The following TRIO variants were observed in gnomAD, a reference collection of about 807,000 sequenced individuals.
TRIO encodes triple functional domain protein.
Under a neutral mutation model 351.9 loss-of-function variants are expected in TRIO, and 58 were observed. The ratio of observed to expected loss-of-function variants is 0.16; its 90% CI spans 0.13 to 0.21. The LOEUF (loss-of-function observed/expected upper bound fraction) is 0.21. Ranked by LOEUF, TRIO falls within the 10% of genes least tolerant of loss-of-function variation. The pLI, the probability that TRIO is intolerant of heterozygous loss-of-function variation, is 1.00. For missense variants in TRIO, 3,201 were observed against 4,027.8 expected (o/e 0.79, Z 5.56); for synonymous variants, 1,758 against 1,595.7 (o/e 1.10, Z -2.42).
chr5:14,329,735 C>T (rs1232913007), intron 9 of TRIO, among the ~76,000 whole-genome samples: 3 of 152,154 alleles, frequency 2.0e-5, no homozygotes, highest in African/African-American at 7.2e-5. Context: ...TAGCTAAAGA[C>T]ATCACTGACT....
intron 48 of TRIO, 166 bp downstream of exon 48, chr5:14,488,426 C>T: frequency 2.0e-6 from 2 of 989,940 alleles, no homozygotes; most frequent in Non-Finnish European, 2.9e-6. Flanking sequence ...CGGCCCACGG[C>T]GCTACTAACT....
chr5:14,492,512 A>G (rs1281002236), intron 48 of TRIO, 55 bp from the exon 49 acceptor site: 38 of 1,590,532 alleles, frequency 2.4e-5, no homozygotes, highest in Non-Finnish European at 3.2e-5. Context: ...TCATGTGATC[A>G]GGTCTCGTTT....
At chr5:14,490,658 C>T (rs7720061) in intron 48 of TRIO, among the ~76,000 whole-genome samples, 1,772 of 152,330 alleles carry the variant, frequency 0.012, 32 homozygotes, top group African/African-American at 0.035. Flanking sequence ...CTGATAACCA[C>T]GCCCACTGGT....
In TRIO at chr5:14,507,102, A is replaced by T. The variant is rs750761577; in HGVS notation, c.8613-20A>T. ...CAAAGCAAATCGCATCATAACAGTC[A>T]CCCGCTCCTGCCTCTTTAGGGCTGA... On this transcript the variant is annotated intron_variant, in intron 55 of 56. Transcript: ENST00000344204. 6.4e-7 allele frequency: 1 copy of T among 1,561,426 alleles called. No homozygotes were observed. Among genetic ancestry groups the T allele is most frequent in the Admixed American group, 2.1e-5 (1 of 48,310 alleles).
intron 4 of TRIO, among the ~76,000 whole-genome samples, chr5:14,289,723 A>G (rs1010808890): frequency 1.3e-5 from 2 of 151,920 alleles, no homozygotes; most frequent in South Asian, 2.1e-4. Context: ...GGTGGTGGGC[A>G]CCTGTAGTCC....
intron 55 of TRIO, among the ~76,000 whole-genome samples, 173 bp from the exon 56 acceptor site, chr5:14,506,949 C>A (rs1176307777): frequency 6.6e-6 from 1 of 152,234 alleles, no homozygotes; most frequent in African/African-American, 2.4e-5. Flanking sequence ...ATCTTCCCAA[C>A]AGAGCTTTAC....
chr5:14,433,682 AG>A (rs1449449169), intron 34 of TRIO, among the ~76,000 whole-genome samples: 1 of 152,244 alleles, frequency 6.6e-6, no homozygotes, highest in Admixed American at 6.5e-5. Flanking sequence ...ACTTCAAGGT[AG>A]AATACTGAAA....
At chr5:14,301,583 G>A (rs750830548) in intron 7 of TRIO, among the ~76,000 whole-genome samples, 1 of 152,126 alleles carries the variant, frequency 6.6e-6, no homozygotes, top group Non-Finnish European at 1.5e-5. Flanking sequence ...ACACATATGT[G>A]TGTGTATGTG....
intron 8 of TRIO, among the ~76,000 whole-genome samples, chr5:14,315,511 A>G (rs1739308312): frequency 6.6e-6 from 1 of 152,142 alleles, no homozygotes; most frequent in African/African-American, 2.4e-5. Flanking sequence ...TCGGCCTCCC[A>G]AAGTGCTGGG....
Position 14,270,856 on chromosome 5 carries a change from G to A in TRIO, c.189G>A (p.Met63Ile). Reference sequence around the variant, plus strand: ...GAAAAAACGATGAAATGAAAGCTATGGATGTTTTACCAATTTTGAAGGAAA... The same window carrying A: ...GAAAAAACGATGAAATGAAAGCTATAGATGTTTTACCAATTTTGAAGGAAA... ...GFRKNDEMKAMDVLPILKEKV... is the reference protein window; with the variant it reads ...GFRKNDEMKAIDVLPILKEKV... Residue 63 changes from methionine (M) to isoleucine (I), a missense_variant, in exon 2 of 57, where the codon ATG becomes ATA. By Grantham distance (10) the Met-to-Ile change is conservative (BLOSUM62 1). Coordinates refer to ENST00000344204, the MANE Select transcript of TRIO (RefSeq NM_007118.4). 1 of 1,613,966 alleles carries A rather than the reference G, an allele frequency of 6.2e-7. No homozygotes were observed. Among genetic ancestry groups the A allele is most frequent in the Non-Finnish European group, 8.5e-7 (1 of 1,179,944 alleles).
chr5:14,509,267 T>G lies in TRIO; in HGVS notation c.*845T>G. 2.8e-6 allele frequency: 1 copy of G among 361,908 alleles called. No individual in the cohort carries two copies. The highest frequency in any genetic ancestry group is 2.1e-5 in the South Asian group (1 of 48,274). The allele number at this position is 361,908 out of a possible 1,614,324, so 22.4% of individuals were successfully genotyped here. A position where few individuals can be genotyped will look rare whatever the true frequency, so the allele number is the denominator to read the frequency against. The stretch of plus-strand genomic sequence containing the variant: ...GGTTTTTTGGTTTTACTTCATATCA[T>G]GTGCAATGTTGTGGCTTTAACATTT... On this transcript the variant is annotated 3_prime_UTR_variant, in exon 57 of 57. Transcript: ENST00000344204.
In TRIO at chr5:14,471,342, C is replaced by T. The variant is rs1338309662; in HGVS notation, c.5788C>T (p.Leu1930Phe). Residue 1930 changes from leucine to phenylalanine, a missense_variant, in exon 38 of 57, where the codon CTC becomes TTC. Physicochemically the swap from Leu to Phe is conservative, Grantham distance 22. Coordinates refer to ENST00000344204, the MANE Select transcript of TRIO (RefSeq NM_007118.4). ...KMALEDRPSSLLVDQGDSSSP... is the reference protein window; with the variant it reads ...KMALEDRPSSFLVDQGDSSSP... Reference sequence around the variant, plus strand: ...GGCACTGGAGGATCGCCCCAGCTCACTCCTTGTTGACCAGGGAGATAGTAG... The same window carrying T: ...GGCACTGGAGGATCGCCCCAGCTCATTCCTTGTTGACCAGGGAGATAGTAG... The T allele has an allele frequency of 6.2e-7, 1 of 1,614,088 alleles. No homozygotes were observed. Among genetic ancestry groups the T allele is most frequent in the Admixed American group, 1.7e-5 (1 of 60,018 alleles).
chr5:14,155,554 G>C (rs1441233185), intron 1 of TRIO, among the ~76,000 whole-genome samples: 1 of 152,090 alleles, frequency 6.6e-6, no homozygotes, highest in African/African-American at 2.4e-5. Flanking sequence ...CTTGAATTTG[G>C]AACATCTCCT....
At position 14,251,986 on chromosome 5, in the gene TRIO, G is replaced by C. The variant is rs58663857; in HGVS notation, c.158-18839G>C. Among the ~76,000 whole-genome samples the C allele has an allele frequency of 7.4e-5, 9 of 121,116 alleles. No homozygotes were observed. In the East Asian group the frequency reaches 2.3e-3, roughly 32 times the overall value. 79.5% of individuals were successfully genotyped at this position (121,116 alleles called of 152,430 possible). A position where few individuals can be genotyped will look rare whatever the true frequency, so the allele number is the denominator to read the frequency against. On this transcript the variant is annotated intron_variant, in intron 1 of 56. Coordinates refer to ENST00000344204, the MANE Select transcript of TRIO (RefSeq NM_007118.4). ...AGGCAACTTAAAAAAAAAAAAAAAA[G>C]CCCTTCCCAAGCTGTGGTACCTCCT...
At chr5:14,274,998 G>C (rs527754336) in intron 2 of TRIO, among the ~76,000 whole-genome samples, 1 of 152,124 alleles carries the variant, frequency 6.6e-6, no homozygotes, top group Non-Finnish European at 1.5e-5. Context: ...CATATCCACC[G>C]GGTGGGTTGT....
intron 1 of TRIO, among the ~76,000 whole-genome samples, chr5:14,148,763 G>A (rs1180031775): frequency 6.6e-6 from 1 of 152,226 alleles, no homozygotes; most frequent in African/African-American, 2.4e-5. Context: ...GTACTCAGCT[G>A]CGTAGACTTG....
Position 14,487,917 on chromosome 5 carries a change from C to T in TRIO, c.7289C>T (p.Pro2430Leu), listed in dbSNP as rs1236350732. The T allele has an allele frequency of 1.0e-5, 16 of 1,539,110 alleles. No individual in the cohort carries two copies. Among genetic ancestry groups the T allele is most frequent in the Non-Finnish European group, 1.4e-5 (16 of 1,143,240 alleles). ...GCCGCGAACGCCTCGGGGTCGAGCCCAGACGCCCCCGCCAAGGACGCGCGC... is the reference window on the plus strand; with the variant it reads ...GCCGCGAACGCCTCGGGGTCGAGCCTAGACGCCCCCGCCAAGGACGCGCGC... ...KGAANASGSS[P>L]DAPAKDARAS... The change falls in exon 48 of 57, where the codon CCA becomes CTA. Residue 2430 changes from proline to leucine, a missense_variant. This residue lies in a region of TRIO where 1,089 missense variants were observed against 954.9 expected (regional missense o/e 1.14). Coordinates refer to ENST00000344204, the MANE Select transcript of TRIO (RefSeq NM_007118.4).
intron 34 of TRIO, among the ~76,000 whole-genome samples, chr5:14,449,233 A>T (rs1752664118): frequency 6.6e-6 from 1 of 152,150 alleles, no homozygotes; most frequent in African/African-American, 2.4e-5. Context: ...AGGAAATGGG[A>T]GATGAGGCAG....
chr5:14,257,707 T>A (rs894952466), intron 1 of TRIO, among the ~76,000 whole-genome samples: 1 of 152,218 alleles, frequency 6.6e-6, no homozygotes, highest in African/African-American at 2.4e-5. Flanking sequence ...GTTAATTTAC[T>A]ATGATTGTGT....
Sources: allele counts gnomAD v4.1 joint callset (sites outside exome capture counted in the v4.1 genomes callset), GRCh38; gene constraint gnomAD v4.1.1; regional missense constraint gnomAD v4.1.1; transcripts MANE v1.5; gene names NCBI Gene and HGNC (gene_info 2026-07-23, HGNC 2026-07-21).